Variants in ZNF346 observed in about 807,000 individuals in gnomAD.
ZNF346 encodes zinc finger protein 346.
ZNF346 carries 23 observed loss-of-function variants against 33.7 expected under a neutral mutation model. That is an observed-to-expected ratio of 0.68 (90% CI 0.49 to 0.97). The LOEUF is 0.97. ZNF346 is among the 50% of genes least tolerant of loss of function. ZNF346 has a pLI of 0.00. For synonymous variants in ZNF346, 134 were observed against 142.4 expected (o/e 0.94, Z 0.42); for missense variants, 340 against 371.1 (o/e 0.92, Z 0.69).
At position 177,064,506 on chromosome 5, in the gene ZNF346, A is replaced by G. The variant is rs1782952026; in HGVS notation, c.798-6A>G. The stretch of plus-strand genomic sequence containing the variant: ...ACCCTCTTCCTTTGTTCCTTCTCAA[A>G]TACAGGTCACCAAAAACAGTGGCAT... On this transcript the variant is annotated splice_polypyrimidine_tract_variant and splice_region_variant and intron_variant, in intron 6 of 6. Transcript: ENST00000358149. The G allele has an allele frequency of 6.2e-7, 1 of 1,613,560 alleles. No homozygotes were observed. Among genetic ancestry groups the G allele is most frequent in the Non-Finnish European group, 8.5e-7 (1 of 1,179,424 alleles).
At chr5:177,053,349 G>A (rs1006290955) in intron 5 of ZNF346, among the ~76,000 whole-genome samples, 1 of 148,328 alleles carries the variant, frequency 6.7e-6, no homozygotes, top group African/African-American at 2.5e-5. Context: ...CAGGGTCTCT[G>A]TATGTTGCCT....
intron 4 of ZNF346, among the ~76,000 whole-genome samples, chr5:177,047,030 T>TTATATTTATTTATTTATTTA (rs1554148733): frequency 2.2e-4 from 32 of 147,868 alleles, no homozygotes; most frequent in African/African-American, 7.9e-4. Context: ...TTTTATTTAT[T>TTATATTTATTTATTTATTTA]TTTATTTATT....
At position 177,077,466 on chromosome 5, in the gene ZNF346, C is replaced by T. The variant is rs914848739; in HGVS notation, c.*3-1916C>T. Among the ~76,000 whole-genome samples the T allele has an allele frequency of 6.6e-6, 1 of 152,162 alleles. No individual in the cohort carries two copies. Among genetic ancestry groups the T allele is most frequent in the Non-Finnish European group, 1.5e-5 (1 of 68,030 alleles). ...GATCCGGGTGCACTCCAGCTCTTGGCCCTCTTGTTTCCTTTATTGCTGTCT... is the reference window on the plus strand; with the variant it reads ...GATCCGGGTGCACTCCAGCTCTTGGTCCTCTTGTTTCCTTTATTGCTGTCT... On this transcript the variant is annotated intron_variant, in intron 8 of 8. Coordinates refer to the ZNF346 transcript ENST00000503039. This position sits in a 1 kb window ranked among gnomAD's most constrained non-coding sequence, Gnocchi z 5.0.
In ZNF346 at chr5:177,045,402, T is replaced by C. The variant is rs935325746; in HGVS notation, c.517+869T>C. On this transcript the variant is annotated intron_variant, in intron 4 of 6. Transcript: ENST00000358149. Reference sequence around the variant, plus strand: ...TGGAGTCTCGCTCTGTTGCCTAGGTTAGAGTGCAGTGGCATGATCTCGGCT... The same window carrying C: ...TGGAGTCTCGCTCTGTTGCCTAGGTCAGAGTGCAGTGGCATGATCTCGGCT... Among the ~76,000 whole-genome samples the C allele has an allele frequency of 1.1e-4, 16 of 152,168 alleles. No individual in the cohort carries two copies. The East Asian group carries it at 2.1e-3, about 20-fold the overall frequency.
chr5:177,072,701 TAGTC>T (rs1186138158), downstream of ZNF346, among the ~76,000 whole-genome samples: 3 of 151,924 alleles, frequency 2.0e-5, no homozygotes, highest in Admixed American at 2.0e-4. Flanking sequence ...ATACAAAAAT[TAGTC>T]AGGCGTGGTG....
At chr5:177,076,059 C>T (rs1783732419) in intron 8 of ZNF346, among the ~76,000 whole-genome samples, 1 of 152,202 alleles carries the variant, frequency 6.6e-6, no homozygotes, top group South Asian at 2.1e-4. Context: ...AAGGAATCCT[C>T]CTCGCTCAGC....
chr5:177,037,911 A>C (rs1778738659), intron 1 of ZNF346, among the ~76,000 whole-genome samples: 1 of 152,070 alleles, frequency 6.6e-6, no homozygotes. Context: ...TCTCCAACTT[A>C]ATTTCCTACC....
intron 1 of ZNF346, among the ~76,000 whole-genome samples, chr5:177,030,880 G>A (rs1456998465): frequency 6.9e-6 from 1 of 145,416 alleles, no homozygotes; most frequent in Non-Finnish European, 1.5e-5. Context: ...TGGCATTTTT[G>A]TGACTGGCTT....
rs1783828273 is a variant in ZNF346 at position 177,077,876 on chromosome 5, G to C, written c.*3-1506G>C. On this transcript the variant is annotated intron_variant, in intron 8 of 8. Coordinates refer to the ZNF346 transcript ENST00000503039. The surrounding 1 kb of genome is among the most constrained non-coding windows in gnomAD (Gnocchi z 5.0). ...AAAAAGGAATGCCTGGCCAGGCGCG[G>C]TGGCTCACGCCTGTAATCCCAGCAC... is the stretch of plus-strand genomic sequence containing the variant. 6.6e-6 allele frequency among the ~76,000 whole-genome samples: 1 copy of C among 152,222 alleles called. No individual in the cohort carries two copies. Among genetic ancestry groups the C allele is most frequent in the Non-Finnish European group, 1.5e-5 (1 of 68,048 alleles).
chr5:177,040,977 C>T (rs2149629324), intron 1 of ZNF346, 149 bp from the exon 2 acceptor site: 5 of 656,756 alleles, frequency 7.6e-6, no homozygotes, highest in Non-Finnish European at 1.4e-5. Context: ...GCATGAGTCA[C>T]GGTGGCAGTA....
intron 1 of ZNF346, among the ~76,000 whole-genome samples, chr5:177,036,009 A>G (rs1778456462): frequency 6.7e-6 from 1 of 150,290 alleles, no homozygotes; most frequent in South Asian, 2.1e-4. Flanking sequence ...AACCTCATAA[A>G]CCTCTCAGTT....
At chr5:177,038,458 C>A (rs994888869) in intron 1 of ZNF346, among the ~76,000 whole-genome samples, 2 of 150,802 alleles carry the variant, frequency 1.3e-5, no homozygotes, top group East Asian at 2.0e-4. Context: ...TTCTCTACCC[C>A]GTACTCTGCT....
At chr5:177,048,254 C>G (rs2149657788) in intron 4 of ZNF346, among the ~76,000 whole-genome samples, 1 of 152,272 alleles carries the variant, frequency 6.6e-6, no homozygotes, top group Admixed American at 6.5e-5. Flanking sequence ...TGTTCAGTAT[C>G]TCAAAGAATG....
At position 177,057,168 on chromosome 5, in the gene ZNF346, C is replaced by T. The variant is rs182904963; in HGVS notation, c.704-4890C>T. Reference sequence around the variant, plus strand: ...TCCACTAAAAATACAAAAAATTAGCCGGGTGTGGTGGTGGGCGCCTGTAAT... The same window carrying T: ...TCCACTAAAAATACAAAAAATTAGCTGGGTGTGGTGGTGGGCGCCTGTAAT... On this transcript the variant is annotated intron_variant, in intron 5 of 6. Transcript: ENST00000358149. Among the ~76,000 whole-genome samples, 297 of 151,604 alleles carry T rather than the reference C, an allele frequency of 2.0e-3. 3 individuals carry two copies. The highest frequency in any genetic ancestry group is 6.8e-3 in the African/African-American group (280 of 41,340).
rs754377651 is a variant in ZNF346, at chr5:177,041,139, C to G, written c.189C>G (p.Ile63Met). 1.2e-6 allele frequency: 2 copies of G among 1,613,564 alleles called. No homozygotes were observed. Among genetic ancestry groups the G allele is most frequent in the East Asian group, 4.5e-5 (2 of 44,874 alleles). ...PVGREEVEHM[I>M]QKNQCLFTNT... is the part of the protein sequence containing the mutation. ...TCCCCTCTATAGTGGAGCACATGAT[C>G]CAGAAGAACCAATGTCTCTTCACCA... is the stretch of plus-strand genomic sequence containing the variant. Residue 63 changes from isoleucine (I) to methionine (M), a missense_variant, in exon 2 of 7, where the codon ATC becomes ATG. By Grantham distance (10) the Ile-to-Met change is conservative. Coordinates refer to ENST00000358149, the MANE Select transcript of ZNF346 (RefSeq NM_012279.4).
At chr5:177,048,195 G>A (rs13355472) in intron 4 of ZNF346, among the ~76,000 whole-genome samples, 5,825 of 152,054 alleles carry the variant, frequency 0.038, 375 homozygotes, top group African/African-American at 0.13. Context: ...TTTATTGGAT[G>A]CGCATTAAAT....
chr5:177,035,378 A>G (rs1778331441), intron 1 of ZNF346, among the ~76,000 whole-genome samples: 3 of 152,242 alleles, frequency 2.0e-5, no homozygotes, highest in South Asian at 2.1e-4. Context: ...CCCTGGAGAG[A>G]TAGTTGGTAG....
chr5:177,055,035 T>G (rs949950525), intron 5 of ZNF346, among the ~76,000 whole-genome samples: 4 of 131,044 alleles, frequency 3.1e-5, no homozygotes, highest in African/African-American at 6.5e-5. Flanking sequence ...AATACGTAGG[T>G]TTTTTTTTTT....
chr5:177,076,632 C>T (rs892400231), intron 8 of ZNF346, among the ~76,000 whole-genome samples: 1 of 152,180 alleles, frequency 6.6e-6, no homozygotes, highest in African/African-American at 2.4e-5. Context: ...TCCCACTCGC[C>T]CATGCTGTAT....
Sources: allele counts gnomAD v4.1 joint callset (sites outside exome capture counted in the v4.1 genomes callset), GRCh38; gene constraint gnomAD v4.1.1; non-coding constraint Gnocchi (gnomAD v3.1); transcripts MANE v1.5; gene names NCBI Gene and HGNC (gene_info 2026-07-23, HGNC 2026-07-21).